The following PRKCE variants were observed in gnomAD, a reference collection of about 807,000 sequenced individuals.
The protein encoded by PRKCE is protein kinase C epsilon, also known as protein kinase C epsilon type.
PRKCE carries 16 observed loss-of-function variants against 85.4 expected under a neutral mutation model. That is an observed-to-expected ratio of 0.19 (90% CI 0.13 to 0.28). The LOEUF is 0.28. Ranked by LOEUF, PRKCE falls within the 10% of genes least tolerant of loss-of-function variation. The pLI is 1.00. For synonymous variants in PRKCE, 388 were observed against 371.5 expected (o/e 1.04, Z -0.51); for missense variants, 573 against 975.2 (o/e 0.59, Z 5.49).
chr2:45,741,466 C>T (rs79212279), intron 1 of PRKCE, among the ~76,000 whole-genome samples: 50,259 of 149,778 alleles, frequency 0.34, 8,720 homozygotes, highest in Admixed American at 0.41. Flanking sequence ...GCCAGTAGCA[C>T]CAGAATGGGG....
At chr2:45,657,307 A>G (rs1165026465) in intron 1 of PRKCE, among the ~76,000 whole-genome samples, 1 of 149,918 alleles carries the variant, frequency 6.7e-6, no homozygotes. Context: ...CTTGAATCCC[A>G]CTTCTACCAT....
In PRKCE at chr2:46,140,215, A is replaced by G. The variant is rs2104458111; in HGVS notation, c.1593-4878A>G. ...CTAGACAAATGATTCTAAAGTTCATATGGAAAAATAAACAGGAATGGCCAG... is the reference window on the plus strand; with the variant it reads ...CTAGACAAATGATTCTAAAGTTCATGTGGAAAAATAAACAGGAATGGCCAG... On this transcript the variant is annotated intron_variant, in intron 11 of 14. Coordinates refer to ENST00000306156, the MANE Select transcript of PRKCE (RefSeq NM_005400.3). Among the ~76,000 whole-genome samples the G allele has an allele frequency of 1.3e-5, 2 of 152,332 alleles. 1 individual carries two copies. Among genetic ancestry groups the G allele is most frequent in the South Asian group, 4.1e-4 (2 of 4,824 alleles).
intron 2 of PRKCE, among the ~76,000 whole-genome samples, chr2:45,953,273 G>T (rs1487150783): frequency 3.3e-5 from 5 of 152,118 alleles, no homozygotes; most frequent in African/African-American, 1.2e-4. Context: ...ATTTTGTCTT[G>T]GGGAAGATGA....
chr2:46,131,750 T>C (rs1163121678), intron 11 of PRKCE, among the ~76,000 whole-genome samples: 1 of 152,250 alleles, frequency 6.6e-6, no homozygotes, highest in Non-Finnish European at 1.5e-5. Flanking sequence ...ACATGCAGAC[T>C]CTACTGCCTT....
intron 6 of PRKCE, among the ~76,000 whole-genome samples, chr2:45,991,511 C>T (rs997144491): frequency 6.6e-6 from 1 of 152,198 alleles, no homozygotes; most frequent in African/African-American, 2.4e-5. Context: ...ATTTCCAAGG[C>T]AGTGTACAGA....
At chr2:45,953,742 C>G (rs958205118) in intron 2 of PRKCE, among the ~76,000 whole-genome samples, 6 of 152,206 alleles carry the variant, frequency 3.9e-5, no homozygotes, top group African/African-American at 1.4e-4. Context: ...TGGGCTCCCC[C>G]CGAAGAGATT....
rs1280098508 is a variant in PRKCE, at chr2:46,002,434, C to T, written c.966+888C>T. On this transcript the variant is annotated intron_variant, in intron 7 of 14. Transcript: ENST00000306156. Reference sequence around the variant, plus strand: ...GCCTAAATAGTCTCCCTGAATTTTGCCCTGAAATGTCTTCTAAAGGCATTT... The same window carrying T: ...GCCTAAATAGTCTCCCTGAATTTTGTCCTGAAATGTCTTCTAAAGGCATTT... Among the ~76,000 whole-genome samples the T allele has an allele frequency of 5.3e-5, 8 of 152,306 alleles. No homozygotes were observed. In the South Asian group the frequency reaches 6.2e-4, roughly 12 times the overall value.
chr2:45,967,407 T>C (rs1305247670), intron 2 of PRKCE, among the ~76,000 whole-genome samples: 1 of 151,986 alleles, frequency 6.6e-6, no homozygotes, highest in African/African-American at 2.4e-5. Context: ...GTGAAGGAGG[T>C]CCTGGAGGCC....
chr2:46,042,248 C>T (rs772690457), intron 10 of PRKCE, among the ~76,000 whole-genome samples: 6 of 152,192 alleles, frequency 3.9e-5, no homozygotes, highest in Non-Finnish European at 8.8e-5. Flanking sequence ...AGCTGACACA[C>T]AGTCTGTCTG....
At chr2:46,042,914 G>T (rs1368183752) in intron 10 of PRKCE, among the ~76,000 whole-genome samples, 2 of 152,204 alleles carry the variant, frequency 1.3e-5, no homozygotes, top group Non-Finnish European at 2.9e-5. Context: ...TTTACTAGAA[G>T]AAGAAAGTTT....
At chr2:46,036,758 T>G (rs1394427378) in intron 10 of PRKCE, among the ~76,000 whole-genome samples, 1 of 152,070 alleles carries the variant, frequency 6.6e-6, no homozygotes, top group East Asian at 1.9e-4. Context: ...AGAAGGACAC[T>G]GCAAGCCCGG....
At chr2:45,688,472 A>G (rs1397499131) in intron 1 of PRKCE, among the ~76,000 whole-genome samples, 3 of 152,122 alleles carry the variant, frequency 2.0e-5, no homozygotes, top group Non-Finnish European at 4.4e-5. Flanking sequence ...CCCAAAACAA[A>G]CTCTAATAAA....
chr2:45,959,586 G>T (rs1228734785), intron 2 of PRKCE, among the ~76,000 whole-genome samples: 2 of 152,132 alleles, frequency 1.3e-5, no homozygotes, highest in Admixed American at 1.3e-4. Context: ...TTTCTTCATG[G>T]CTAGGTGTTC....
At chr2:46,040,959 A>G (rs948766247) in intron 10 of PRKCE, among the ~76,000 whole-genome samples, 2 of 152,258 alleles carry the variant, frequency 1.3e-5, no homozygotes, top group Non-Finnish European at 2.9e-5. Flanking sequence ...TGCCATATGT[A>G]CCAGGAATGA....
intron 2 of PRKCE, among the ~76,000 whole-genome samples, chr2:45,903,891 G>GT (rs1175822759): frequency 2.7e-4 from 24 of 88,280 alleles, no homozygotes; most frequent in African/African-American, 8.5e-4. Flanking sequence ...GTTTTTTTTT[G>GT]TTTGTTTGTT....
chr2:46,085,600 C>T (rs1669530154), intron 10 of PRKCE, among the ~76,000 whole-genome samples: 1 of 115,556 alleles, frequency 8.7e-6, no homozygotes, highest in African/African-American at 3.4e-5. Context: ...GCCACTTGGC[C>T]TCCTCCTCCC....
intron 1 of PRKCE, among the ~76,000 whole-genome samples, chr2:45,830,198 G>A (rs948633200): frequency 3.3e-5 from 5 of 151,962 alleles, no homozygotes; most frequent in East Asian, 1.9e-4. Flanking sequence ...CTCATTCAGG[G>A]ACCCATGCTC....
chr2:45,704,722 C>G (rs1678963790), intron 1 of PRKCE, among the ~76,000 whole-genome samples: 2 of 152,198 alleles, frequency 1.3e-5, no homozygotes, highest in Admixed American at 1.3e-4. Context: ...ATGTCCATCT[C>G]TTCCTTCCCC....
chr2:46,143,406 G>A (rs979635045), intron 11 of PRKCE, among the ~76,000 whole-genome samples: 9 of 152,096 alleles, frequency 5.9e-5, no homozygotes, highest in African/African-American at 1.9e-4. Context: ...ATTTGCAAGT[G>A]GGCAGATAGT....
Sources: gnomAD v4.1 joint callset for allele counts (sites outside exome capture counted in the v4.1 genomes callset) on GRCh38, gnomAD v4.1.1 for gene constraint, MANE v1.5 for transcripts, NCBI Gene and HGNC (gene_info 2026-07-23, HGNC 2026-07-21) for gene names.